MAPDA: variants seen among roughly 807,000 people sequenced by gnomAD.
MAPDA encodes N6,N6-dimethyl-AMP deaminase.
chr15:43,339,340 T>C, the MAPDA span, among the ~76,000 whole-genome samples: 1 of 152,216 alleles, frequency 6.6e-6, no homozygotes, highest in Non-Finnish European at 1.5e-5. Flanking sequence ...AGCTACCCAT[T>C]CCACTTACAT....
the MAPDA span, among the ~76,000 whole-genome samples, chr15:43,334,146 A>G: frequency 1.3e-5 from 2 of 152,258 alleles, no homozygotes; most frequent in African/African-American, 2.4e-5. Context: ...AAAATACTTT[A>G]TTAATCGTCA....
chr15:43,342,270 C>T, the MAPDA span, among the ~76,000 whole-genome samples: 1 of 151,746 alleles, frequency 6.6e-6, no homozygotes, highest in African/African-American at 2.4e-5. Flanking sequence ...AGGTATTTTA[C>T]AGGAGGTTGC....
the MAPDA span, among the ~76,000 whole-genome samples, chr15:43,350,521 T>G: frequency 2.0e-5 from 3 of 152,192 alleles, no homozygotes; most frequent in African/African-American, 7.2e-5. Context: ...TATAATGCTC[T>G]CACACCTGGT....
chr15:43,341,558 G>C, the MAPDA span, among the ~76,000 whole-genome samples: 1 of 152,062 alleles, frequency 6.6e-6, no homozygotes, highest in African/African-American at 2.4e-5. Context: ...GTGTATATGG[G>C]CAGAGTGCAG....
At chr15:43,332,891 C>T in the MAPDA span, among the ~76,000 whole-genome samples, 1 of 152,146 alleles carries the variant, frequency 6.6e-6, no homozygotes, top group Non-Finnish European at 1.5e-5. Flanking sequence ...CGTCCCAGAG[C>T]AAAACCAGTC....
chr15:43,340,219 C>G, the MAPDA span: 7 of 1,553,220 alleles, frequency 4.5e-6, no homozygotes, highest in Non-Finnish European at 6.2e-6. Context: ...CATTGGGACC[C>G]TTACCCAAAC....
the MAPDA span, chr15:43,342,919 A>T: frequency 2.8e-5 from 30 of 1,088,818 alleles, no homozygotes; most frequent in African/African-American, 4.5e-4. Context: ...GTAATTGTTC[A>T]TATAGGATTG....
At chr15:43,342,979 A>G in the MAPDA span, 1 of 1,534,972 alleles carries the variant, frequency 6.5e-7, no homozygotes, top group Non-Finnish European at 8.9e-7. Context: ...TGTATTTTCT[A>G]TGTGTCCTTT....
chr15:43,346,002 C>T, the MAPDA span: 1 of 1,612,866 alleles, frequency 6.2e-7, no homozygotes, highest in Non-Finnish European at 8.5e-7. Flanking sequence ...TTCCTACGTA[C>T]ATTTTAATTC....
chr15:43,330,428 G>A, the MAPDA span: 1 of 1,560,896 alleles, frequency 6.4e-7, no homozygotes, highest in Non-Finnish European at 8.6e-7. Context: ...CTTGCTGAGG[G>A]CGCTGCTGTC....
At chr15:43,334,864 C>A in the MAPDA span, 2 of 398,014 alleles carry the variant, frequency 5.0e-6, no homozygotes, top group Non-Finnish European at 9.0e-6. Flanking sequence ...TTTAGAGGAG[C>A]TTTTGCCTTT....
chr15:43,349,398 C>T, the MAPDA span: 2 of 875,702 alleles, frequency 2.3e-6, no homozygotes, highest in Non-Finnish European at 2.8e-6. Flanking sequence ...AAAAATTAAA[C>T]ATGGAAAATC....
chr15:43,348,784 T>A, the MAPDA span: 2 of 915,058 alleles, frequency 2.2e-6, no homozygotes, highest in Non-Finnish European at 3.2e-6. Context: ...CAGAAGTAGT[T>A]CAGTTTTCCA....
At chr15:43,351,150 A>C in the MAPDA span, 8 of 1,094,948 alleles carry the variant, frequency 7.3e-6, no homozygotes, top group Middle Eastern at 1.6e-3. Flanking sequence ...ATAATGCCCA[A>C]GTAGAGGAGT....
chr15:43,351,374 C>T, the MAPDA span: 7 of 324,424 alleles, frequency 2.2e-5, no homozygotes, highest in Middle Eastern at 8.8e-4. Context: ...CTACAGAGGG[C>T]CAGGGTGACT....
At chr15:43,338,957 C>A in the MAPDA span, among the ~76,000 whole-genome samples, 2 of 152,230 alleles carry the variant, frequency 1.3e-5, no homozygotes, top group South Asian at 4.1e-4. Flanking sequence ...ACTACTATTT[C>A]AAACCCTCAC....
At chr15:43,336,006 G>T in the MAPDA span, among the ~76,000 whole-genome samples, 2 of 152,154 alleles carry the variant, frequency 1.3e-5, no homozygotes, top group Non-Finnish European at 1.5e-5. Flanking sequence ...AGTATTTCTA[G>T]TGATTTCTGT....
chr15:43,347,181 G>T, the MAPDA span: 3 of 1,113,916 alleles, frequency 2.7e-6, no homozygotes, highest in African/African-American at 3.2e-5. Context: ...AATAAACCGG[G>T]ATTGGAAAAA....
At chr15:43,345,902 G>C in the MAPDA span, 10 of 1,614,224 alleles carry the variant, frequency 6.2e-6, no homozygotes, top group African/African-American at 1.3e-5. Context: ...TAGCCAAGGA[G>C]ACTGTAAAAC....
Sources: allele counts gnomAD v4.1 joint callset (sites outside exome capture counted in the v4.1 genomes callset), GRCh38; gene constraint gnomAD v4.1.1; transcripts MANE v1.5; gene names NCBI Gene and HGNC (gene_info 2026-07-23, HGNC 2026-07-21).